RAB6B: variants seen among roughly 807,000 people sequenced by gnomAD.
RAB6B encodes ras-related protein Rab-6B.
RAB6B carries 7 observed loss-of-function variants against 31.2 expected under a neutral mutation model. That is an observed-to-expected ratio of 0.22 (90% CI 0.13 to 0.42). The LOEUF (loss-of-function observed/expected upper bound fraction) is 0.42. Ranked by LOEUF, RAB6B falls within the 10% of genes least tolerant of loss-of-function variation. RAB6B has a pLI of 1.00. For missense variants in RAB6B, 149 were observed against 280.6 expected, an observed-to-expected ratio of 0.53 and a Z score of 3.35; for synonymous variants, 105 against 104.9, an observed-to-expected ratio of 1.00 and a Z score of -0.01.
intron 6 of RAB6B, among the ~76,000 whole-genome samples, chr3:133,835,464 TG>T (rs1935720876): frequency 7.7e-6 from 1 of 129,154 alleles, no homozygotes; most frequent in African/African-American, 3.3e-5. Context: ...TGCGTACATG[TG>T]GGTTTTCTGT....
Position 133,828,144 on chromosome 3 carries a change from A to C in RAB6B, c.*644T>G, listed in dbSNP as rs1333098817. 1 of 610,400 alleles carries C rather than the reference A, an allele frequency of 1.6e-6. No individual in the cohort carries two copies. The highest frequency in any genetic ancestry group is 1.8e-5 in the African/African-American group (1 of 54,448). 37.8% of individuals were successfully genotyped at this position (610,400 alleles called of 1,614,324 possible). On this transcript the variant is annotated 3_prime_UTR_variant, in exon 8 of 8. Coordinates refer to ENST00000285208, the MANE Select transcript of RAB6B (RefSeq NM_016577.4). ...TGCTGCCGGGCTGCCTAGAGCCCAC[A>C]GACCTTGGTCTCAGCTCCACACGAG... is the stretch of plus-strand genomic sequence containing the variant.
At chr3:133,866,941 G>A (rs961539035) in intron 1 of RAB6B, among the ~76,000 whole-genome samples, 1 of 152,252 alleles carries the variant, frequency 6.6e-6, no homozygotes, top group Non-Finnish European at 1.5e-5. Flanking sequence ...CAGGGATCAG[G>A]GTGGGGAGAT....
At chr3:133,881,137 G>C (rs1320676553) in intron 1 of RAB6B, among the ~76,000 whole-genome samples, 1 of 152,218 alleles carries the variant, frequency 6.6e-6, no homozygotes, top group Non-Finnish European at 1.5e-5. Context: ...ACTGGACTTG[G>C]ATGCTTGGGC....
At chr3:133,885,884 T>C (rs1936537898) in intron 1 of RAB6B, among the ~76,000 whole-genome samples, 2 of 152,170 alleles carry the variant, frequency 1.3e-5, no homozygotes, top group Admixed American at 6.5e-5. Flanking sequence ...TCTCTATAAA[T>C]TCCATCCTCG....
intron 1 of RAB6B, among the ~76,000 whole-genome samples, chr3:133,867,661 T>C (rs561527945): frequency 3.7e-4 from 57 of 152,120 alleles, no homozygotes; most frequent in Non-Finnish European, 7.1e-4. Flanking sequence ...AAGTCTGGAA[T>C]TGGGGGCCTT....
At chr3:133,839,914 G>T (rs2036703943) in intron 4 of RAB6B, among the ~76,000 whole-genome samples, 1 of 152,174 alleles carries the variant, frequency 6.6e-6, no homozygotes, top group Admixed American at 6.5e-5. Context: ...AGTGGCTTTA[G>T]GGGCCCACCT....
At chr3:133,836,962 T>G (rs1265670089) in intron 6 of RAB6B, among the ~76,000 whole-genome samples, 2 of 152,192 alleles carry the variant, frequency 1.3e-5, no homozygotes, top group African/African-American at 4.8e-5. Context: ...AAACCATCAC[T>G]GCATCCAGAA....
At chr3:133,842,871 A>C (rs552784086) in intron 2 of RAB6B, among the ~76,000 whole-genome samples, 5 of 152,250 alleles carry the variant, frequency 3.3e-5, no homozygotes, top group Non-Finnish European at 5.9e-5. Flanking sequence ...TAAAATTAGA[A>C]AAAGTCCTTT....
intron 5 of RAB6B, 116 bp downstream of exon 5, chr3:133,839,390 C>T (rs904042036): frequency 2.5e-5 from 22 of 882,016 alleles, no homozygotes; most frequent in South Asian, 2.2e-4. Flanking sequence ...GGACCTTTTC[C>T]GGATGCATGG....
intron 7 of RAB6B, among the ~76,000 whole-genome samples, chr3:133,833,780 T>C (rs145499515): frequency 8.5e-5 from 13 of 152,238 alleles, no homozygotes; most frequent in South Asian, 6.2e-4. Flanking sequence ...GGGATCTGCA[T>C]GCTTGTTTTC....
intron 1 of RAB6B, among the ~76,000 whole-genome samples, chr3:133,869,764 T>C (rs1301733726): frequency 1.3e-5 from 2 of 152,034 alleles, no homozygotes; most frequent in Non-Finnish European, 2.9e-5. Flanking sequence ...GCAACCATGC[T>C]GTGAGGAAGC....
intron 2 of RAB6B, among the ~76,000 whole-genome samples, chr3:133,863,955 T>C (rs1277143817): frequency 6.6e-6 from 1 of 152,138 alleles, no homozygotes; most frequent in Non-Finnish European, 1.5e-5. Context: ...CCCCAAGAAC[T>C]TGGCCTTCAG....
chr3:133,892,268 C>T (rs1216595101), intron 1 of RAB6B, among the ~76,000 whole-genome samples: 1 of 152,168 alleles, frequency 6.6e-6, no homozygotes, highest in Non-Finnish European at 1.5e-5. Context: ...CTCCCTGCCA[C>T]AAGGAAATCT....
intron 2 of RAB6B, among the ~76,000 whole-genome samples, chr3:133,850,736 A>T (rs1171811506): frequency 6.6e-6 from 1 of 152,142 alleles, no homozygotes; most frequent in Non-Finnish European, 1.5e-5. Context: ...AAAAAAACTA[A>T]AGAAATAATG....
chr3:133,842,997 A>C (rs1010569120), intron 2 of RAB6B, among the ~76,000 whole-genome samples: 7 of 152,266 alleles, frequency 4.6e-5, no homozygotes, highest in Non-Finnish European at 1.0e-4. Flanking sequence ...CAGTCCCCCC[A>C]GGCTGAATGC....
chr3:133,835,323 G>A (rs978116573), intron 6 of RAB6B, among the ~76,000 whole-genome samples: 2 of 152,110 alleles, frequency 1.3e-5, no homozygotes, highest in African/African-American at 4.8e-5. Context: ...GTAGGTGCAT[G>A]TATGTTTGTG....
chr3:133,836,394 C>CTCTAGGATCAGGTATGGGTT (rs3840182), intron 6 of RAB6B, among the ~76,000 whole-genome samples: 28,678 of 151,616 alleles, frequency 0.19, 2,764 homozygotes, highest in Middle Eastern at 0.22. Flanking sequence ...TTGAAGGGTG[C>CTCTAGGATCAGGTATGGGTT]TCTAGGATCA....
At chr3:133,837,902 C>CTGGAAGCTG (rs1935764238) in intron 6 of RAB6B, among the ~76,000 whole-genome samples, 1 of 152,238 alleles carries the variant, frequency 6.6e-6, no homozygotes, top group Non-Finnish European at 1.5e-5. Flanking sequence ...GGGCCTGCTA[C>CTGGAAGCTG]GTGGGCCGTG....
chr3:133,869,393 G>C (rs1183425197), intron 1 of RAB6B, among the ~76,000 whole-genome samples: 14 of 152,198 alleles, frequency 9.2e-5, no homozygotes, highest in Admixed American at 2.6e-4. Context: ...GGGAGGGGCA[G>C]ACAGAGAGAA....
Sources: gnomAD v4.1 joint callset for allele counts (sites outside exome capture counted in the v4.1 genomes callset) on GRCh38, gnomAD v4.1.1 for gene constraint, MANE v1.5 for transcripts, NCBI Gene and HGNC (gene_info 2026-07-23, HGNC 2026-07-21) for gene names.